The following VTI1A variants were observed in gnomAD, a reference collection of about 807,000 sequenced individuals.
The protein encoded by VTI1A is vesicle transport through interaction with t-SNAREs 1A.
VTI1A carries 22 observed loss-of-function variants against 34.9 expected under a neutral mutation model. The ratio of observed to expected loss-of-function variants is 0.63; its 90% CI spans 0.45 to 0.90. The LOEUF (loss-of-function observed/expected upper bound fraction) is 0.90, where lower values mean the gene tolerates loss of function less well. Ranked by LOEUF, VTI1A falls within the 40% of genes least tolerant of loss-of-function variation. VTI1A has a pLI of 0.00. For synonymous variants in VTI1A, 87 were observed against 97.3 expected (o/e 0.89, Z 0.62); for missense variants, 268 against 275.6 (o/e 0.97, Z 0.20).
intron 5 of VTI1A, among the ~76,000 whole-genome samples, chr10:112,643,647 A>G (rs1846666502): frequency 6.6e-6 from 1 of 152,186 alleles, no homozygotes; most frequent in Admixed American, 6.5e-5. Flanking sequence ...TCAATCTAAA[A>G]GGAGAATCAT....
chr10:112,628,936 G>A (rs1846024209), intron 5 of VTI1A, among the ~76,000 whole-genome samples: 1 of 151,300 alleles, frequency 6.6e-6, no homozygotes, highest in Non-Finnish European at 1.5e-5. Flanking sequence ...TTTAATTTTG[G>A]GTTCATTGAC....
At chr10:112,852,188 A>G in the VTI1A span, among the ~76,000 whole-genome samples, 5 of 152,168 alleles carry the variant, frequency 3.3e-5, no homozygotes, top group African/African-American at 1.2e-4. Context: ...AATATAAGAC[A>G]CCTCAAATAC....
intron 7 of VTI1A, among the ~76,000 whole-genome samples, chr10:112,784,733 A>AC (rs1852232609): frequency 6.6e-6 from 1 of 152,162 alleles, no homozygotes; most frequent in Non-Finnish European, 1.5e-5. Context: ...GCCCAATTCA[A>AC]GTGAGGTTGG....
At chr10:112,726,844 A>G (rs1362503327) in intron 7 of VTI1A, among the ~76,000 whole-genome samples, 1 of 152,182 alleles carries the variant, frequency 6.6e-6, no homozygotes, top group Non-Finnish European at 1.5e-5. Flanking sequence ...ACAAGAAGGC[A>G]TATAGCTGAT....
rs185571298 is a variant in VTI1A, at chr10:112,684,921, T to A, written c.560+15923T>A. ...ACACATGTGTATGTATCTGTGTACA[T>A]TGGGCTGGCCGTAATATTTTTAGAT... On this transcript the variant is annotated intron_variant, in intron 7 of 7. Coordinates refer to ENST00000393077, the MANE Select transcript of VTI1A (RefSeq NM_145206.4). 1.0e-3 allele frequency among the ~76,000 whole-genome samples: 158 copies of A among 152,344 alleles called. 1 individual carries two copies. The highest frequency in any genetic ancestry group is 3.7e-3 in the African/African-American group (154 of 41,580).
chr10:112,492,410 C>T (rs1018618166), intron 3 of VTI1A, among the ~76,000 whole-genome samples: 10 of 152,048 alleles, frequency 6.6e-5, no homozygotes, highest in Non-Finnish European at 1.0e-4. Flanking sequence ...TTGCAATTGC[C>T]GCAGTCAGTA....
the VTI1A span, among the ~76,000 whole-genome samples, chr10:112,840,850 C>G: frequency 6.6e-6 from 1 of 152,178 alleles, no homozygotes; most frequent in Non-Finnish European, 1.5e-5. Context: ...TGGGTTTTGC[C>G]TGGGTTCAAA....
chr10:112,780,300 AT>A (rs1238356699), intron 7 of VTI1A, among the ~76,000 whole-genome samples: 16 of 149,224 alleles, frequency 1.1e-4, no homozygotes, highest in Non-Finnish European at 2.4e-4. Flanking sequence ...AAATAAATAA[AT>A]AAATAAATAA....
chr10:112,617,214 C>A (rs1845542142), intron 5 of VTI1A, among the ~76,000 whole-genome samples: 1 of 152,124 alleles, frequency 6.6e-6, no homozygotes, highest in African/African-American at 2.4e-5. Flanking sequence ...AGAATTGAAG[C>A]CACAAGACAG....
chr10:112,481,893 G>A (rs925698645), intron 3 of VTI1A, among the ~76,000 whole-genome samples: 9 of 152,114 alleles, frequency 5.9e-5, no homozygotes, highest in African/African-American at 1.2e-4. Flanking sequence ...GGAAAATAAC[G>A]TACAACTTGA....
At chr10:112,702,938 T>A (rs1408417046) in intron 7 of VTI1A, among the ~76,000 whole-genome samples, 1 of 152,216 alleles carries the variant, frequency 6.6e-6, no homozygotes, top group Non-Finnish European at 1.5e-5. Context: ...GGTACCTGGG[T>A]ACTCTCTAGT....
intron 7 of VTI1A, chr10:112,736,876 T>C (rs1850500534): frequency 1.3e-6 from 1 of 774,912 alleles, no homozygotes; most frequent in Non-Finnish European, 2.2e-6. Flanking sequence ...AGTAGTGAGA[T>C]GATGCTGGTG....
intron 5 of VTI1A, among the ~76,000 whole-genome samples, chr10:112,649,571 T>G (rs1031833609): frequency 6.6e-6 from 1 of 152,192 alleles, no homozygotes; most frequent in East Asian, 1.9e-4. Flanking sequence ...TAAATTCAAG[T>G]ATGGCTACAA....
intron 7 of VTI1A, among the ~76,000 whole-genome samples, chr10:112,758,958 G>T (rs1010661696): frequency 6.6e-6 from 1 of 152,178 alleles, no homozygotes; most frequent in Admixed American, 6.6e-5. Context: ...AAAGAGAAAC[G>T]ATATGAGCCT....
intron 5 of VTI1A, among the ~76,000 whole-genome samples, chr10:112,550,725 G>T (rs938660763): frequency 6.6e-6 from 1 of 152,062 alleles, no homozygotes; most frequent in Non-Finnish European, 1.5e-5. Context: ...AGATATAAGC[G>T]TGAAGTCGTA....
At chr10:112,854,068 A>G in the VTI1A span, among the ~76,000 whole-genome samples, 2 of 151,968 alleles carry the variant, frequency 1.3e-5, no homozygotes, top group South Asian at 2.1e-4. Context: ...GCAGCTAGCC[A>G]TGTCTGGCTG....
chr10:112,619,942 C>T (rs1053711289), intron 5 of VTI1A, among the ~76,000 whole-genome samples: 11 of 152,190 alleles, frequency 7.2e-5, no homozygotes, highest in East Asian at 1.9e-4. Flanking sequence ...CCATGTGGTT[C>T]GGGAAGGTCT....
chr10:112,668,374 G>A (rs1847723179), intron 6 of VTI1A, 86 bp downstream of exon 6: 2 of 1,388,744 alleles, frequency 1.4e-6, no homozygotes. Context: ...ATAGCAATTA[G>A]GTAGATATAT....
chr10:112,634,822 T>C (rs1411665764), intron 5 of VTI1A, among the ~76,000 whole-genome samples: 7 of 152,228 alleles, frequency 4.6e-5, no homozygotes, highest in Admixed American at 3.3e-4. Context: ...TAAGCCTTCT[T>C]ACACTGTTTT....
Sources: allele counts gnomAD v4.1 joint callset (sites outside exome capture counted in the v4.1 genomes callset), GRCh38; gene constraint gnomAD v4.1.1; transcripts MANE v1.5; gene names NCBI Gene and HGNC (gene_info 2026-07-23, HGNC 2026-07-21).